The following KIAA1217 variants were observed in gnomAD, a reference collection of about 807,000 sequenced individuals.
KIAA1217 encodes sickle tail protein homolog.
A neutral mutation model predicts 163.9 loss-of-function variants in KIAA1217; 88 were observed. The observed-to-expected ratio is 0.54, with a 90% CI of 0.45 to 0.64. The LOEUF (loss-of-function observed/expected upper bound fraction) is 0.64, where lower values mean the gene tolerates loss of function less well. Ranked by LOEUF, KIAA1217 falls within the 30% of genes least tolerant of loss-of-function variation. The pLI, the probability that KIAA1217 is intolerant of heterozygous loss-of-function variation, is 0.00. For missense variants in KIAA1217, 2,372 were observed against 2,475.0 expected, an observed-to-expected ratio of 0.96 and a Z score of 0.88; for synonymous variants, 903 against 923.1, an observed-to-expected ratio of 0.98 and a Z score of 0.39.
chr10:24,033,362 C>T (rs1848267399), intron 2 of KIAA1217, among the ~76,000 whole-genome samples: 1 of 152,128 alleles, frequency 6.6e-6, no homozygotes, highest in Admixed American at 6.6e-5. Flanking sequence ...TTCAGTTATC[C>T]AAGCACTCAA....
chr10:24,470,008 A>G (rs1250308348), intron 5 of KIAA1217, among the ~76,000 whole-genome samples: 2 of 152,204 alleles, frequency 1.3e-5, no homozygotes, highest in African/African-American at 4.8e-5. Flanking sequence ...ACACTGTGTA[A>G]TGCTTTATAA....
chr10:23,714,180 C>T (rs558110414), intron 1 of KIAA1217, among the ~76,000 whole-genome samples: 36 of 152,034 alleles, frequency 2.4e-4, no homozygotes, highest in Non-Finnish European at 3.4e-4. Context: ...TCCCCTTCCC[C>T]GCTATCCTGT....
intron 2 of KIAA1217, among the ~76,000 whole-genome samples, chr10:24,156,560 A>C (rs2064884901): frequency 6.6e-6 from 1 of 152,174 alleles, no homozygotes; most frequent in Non-Finnish European, 1.5e-5. Context: ...AAAGGTAACA[A>C]GACTCACCTG....
intron 1 of KIAA1217, among the ~76,000 whole-genome samples, chr10:23,757,900 T>C (rs150971202): frequency 6.6e-6 from 1 of 152,336 alleles, no homozygotes; most frequent in Non-Finnish European, 1.5e-5. Context: ...TTGAATTAGA[T>C]TGTTGACTTT....
chr10:24,022,597 T>C (rs1161137497), intron 2 of KIAA1217, among the ~76,000 whole-genome samples: 2 of 151,762 alleles, frequency 1.3e-5, no homozygotes, highest in Admixed American at 1.3e-4. Context: ...GATCCAGCAA[T>C]CCCATTCCCA....
chr10:24,073,578 G>A (rs1375121860), intron 2 of KIAA1217, among the ~76,000 whole-genome samples: 1 of 152,204 alleles, frequency 6.6e-6, no homozygotes. Context: ...TGGCATTTGA[G>A]ATGGTCTTAC....
rs910686504 is a variant in KIAA1217 at position 24,155,060 on chromosome 10, C to T, written c.-170-64566C>T. On this transcript the variant is annotated intron_variant, in intron 2 of 18. Transcript: ENST00000376462. ...AAAGAGTTCTGGAGATAGGTGATGG[C>T]GATGGTTGCAGATGAGTGTGAAAGT... 5.3e-5 allele frequency among the ~76,000 whole-genome samples: 8 copies of T among 152,022 alleles called. No homozygotes were observed. The East Asian group carries it at 1.2e-3, about 22-fold the overall frequency.
chr10:24,379,129 A>T (rs1160527595), intron 2 of KIAA1217, among the ~76,000 whole-genome samples: 1 of 151,506 alleles, frequency 6.6e-6, no homozygotes, highest in Non-Finnish European at 1.5e-5. Context: ...ACCTTCTTTA[A>T]AAAAAAATGT....
chr10:24,241,898 C>T (rs1163609103), intron 2 of KIAA1217, among the ~76,000 whole-genome samples: 3 of 152,134 alleles, frequency 2.0e-5, no homozygotes, highest in Non-Finnish European at 4.4e-5. Flanking sequence ...GGAGAAGGCT[C>T]TTAATGAAGT....
chr10:24,261,034 C>T (rs1377421610), intron 2 of KIAA1217, among the ~76,000 whole-genome samples: 1 of 152,162 alleles, frequency 6.6e-6, no homozygotes, highest in African/African-American at 2.4e-5. Context: ...GAAGTAAATA[C>T]TGAATGTCAA....
At chr10:24,167,987 C>A (rs185703627) in intron 2 of KIAA1217, among the ~76,000 whole-genome samples, 1 of 152,108 alleles carries the variant, frequency 6.6e-6, no homozygotes, top group African/African-American at 2.4e-5. Flanking sequence ...AGAGCCCTCA[C>A]GAAAACATCT....
At chr10:24,067,399 G>A (rs1359664980) in intron 2 of KIAA1217, among the ~76,000 whole-genome samples, 5 of 152,162 alleles carry the variant, frequency 3.3e-5, no homozygotes, top group African/African-American at 9.7e-5. Context: ...GGAGTTTACT[G>A]GAGGTCCACT....
chr10:24,503,531 T>A (rs2134023913), intron 9 of KIAA1217, among the ~76,000 whole-genome samples: 1 of 152,324 alleles, frequency 6.6e-6, no homozygotes, highest in African/African-American at 2.4e-5. Context: ...GAGACCACAG[T>A]AAATTGGCCC....
chr10:24,265,950 C>T lies in KIAA1217; in HGVS notation c.354+46041C>T, dbSNP rs772266836. 4.3e-4 allele frequency among the ~76,000 whole-genome samples: 66 copies of T among 152,010 alleles called. No homozygotes were observed. The Middle Eastern group carries it at 0.01, about 24-fold the overall frequency. On this transcript the variant is annotated intron_variant, in intron 2 of 20. Coordinates refer to ENST00000376454, the MANE Select transcript of KIAA1217 (RefSeq NM_019590.5). ...CAAAAGAACTACACTCTAGATTTCC[C>T]TTTAAAGGAAAGGAAGGGGAAAGAA... is the stretch of plus-strand genomic sequence containing the variant.
chr10:23,883,025 G>C (rs1841017872), intron 1 of KIAA1217, among the ~76,000 whole-genome samples: 1 of 151,846 alleles, frequency 6.6e-6, no homozygotes, highest in African/African-American at 2.4e-5. Flanking sequence ...AGAATGATTT[G>C]CATTACAGTG....
intron 3 of KIAA1217, among the ~76,000 whole-genome samples, chr10:24,402,599 A>G (rs2056715292): frequency 6.6e-6 from 1 of 151,828 alleles, no homozygotes; most frequent in African/African-American, 2.4e-5. Context: ...AAGTGGGAGG[A>G]ATTATTCCAC....
chr10:24,207,605 G>T (rs780569772), upstream of KIAA1217, among the ~76,000 whole-genome samples: 1 of 152,318 alleles, frequency 6.6e-6, no homozygotes, highest in East Asian at 1.9e-4. Context: ...TATCTGCCCT[G>T]CAAATCCCAC....
At chr10:24,333,056 C>T (rs1207302174) in intron 2 of KIAA1217, among the ~76,000 whole-genome samples, 2 of 152,080 alleles carry the variant, frequency 1.3e-5, no homozygotes, top group Non-Finnish European at 2.9e-5. Context: ...AAGTCTTGCT[C>T]TGTCACCCAG....
chr10:24,200,449 C>T (rs2067203332), intron 2 of KIAA1217, among the ~76,000 whole-genome samples: 1 of 152,110 alleles, frequency 6.6e-6, no homozygotes, highest in Admixed American at 6.5e-5. Context: ...CACCAAGCCA[C>T]CATGCCACTG....
Sources: gnomAD v4.1 joint callset for allele counts (sites outside exome capture counted in the v4.1 genomes callset) on GRCh38, gnomAD v4.1.1 for gene constraint, MANE v1.5 for transcripts, NCBI Gene and HGNC (gene_info 2026-07-23, HGNC 2026-07-21) for gene names.